Variants in GLIS3 observed in about 807,000 individuals in gnomAD.
GLIS3 encodes the protein zinc finger protein GLIS3.
GLIS3 carries 53 observed loss-of-function variants against 78.6 expected under a neutral mutation model. The ratio of observed to expected loss-of-function variants is 0.67; its 90% CI spans 0.54 to 0.85. The LOEUF (loss-of-function observed/expected upper bound fraction) is 0.85, where lower values mean the gene tolerates loss of function less well. Among genes scored for constraint, GLIS3 ranks in the 40% least tolerant of loss-of-function variants. The pLI is 0.00. For missense variants in GLIS3, 1,703 were observed against 1,231.1 expected (o/e 1.38, Z -5.74); for synonymous variants, 684 against 509.9 (o/e 1.34, Z -4.60).
At chr9:4,178,762 G>A (rs1817019831) in intron 2 of GLIS3, among the ~76,000 whole-genome samples, 1 of 152,118 alleles carries the variant, frequency 6.6e-6, no homozygotes. Flanking sequence ...TTTCACTGAA[G>A]ACATTTTTCA....
intron 4 of GLIS3, among the ~76,000 whole-genome samples, chr9:3,948,224 A>G (rs1350276438): frequency 6.6e-6 from 1 of 152,236 alleles, no homozygotes; most frequent in African/African-American, 2.4e-5. Context: ...GGCACACAGC[A>G]GGGACTCAGA....
At chr9:4,133,867 CACACA>C (rs1833176569) in intron 2 of GLIS3, among the ~76,000 whole-genome samples, 2 of 111,324 alleles carry the variant, frequency 1.8e-5, no homozygotes, top group African/African-American at 3.3e-5. Flanking sequence ...CACACACACA[CACACA>C]CACCGTACAT....
intron 2 of GLIS3, among the ~76,000 whole-genome samples, chr9:4,280,111 C>G (rs1459127870): frequency 6.6e-6 from 1 of 152,188 alleles, no homozygotes; most frequent in African/African-American, 2.4e-5. Flanking sequence ...CCTCAAACTC[C>G]TGGACTCAAG....
Position 3,824,155 on chromosome 9 carries a change from T to C in GLIS3, c.*4117A>G, listed in dbSNP as rs546587484. 3.3e-5 allele frequency: 5 copies of C among 152,738 alleles called. No homozygotes were observed. Among genetic ancestry groups the C allele is most frequent in the East Asian group, 1.9e-4 (1 of 5,188 alleles). 9.5% of individuals were successfully genotyped at this position (152,738 alleles called of 1,614,324 possible). On this transcript the variant is annotated 3_prime_UTR_variant, in exon 11 of 11. Transcript: ENST00000381971. ...CATGTATAAAAGCTTTAATTAAATC[T>C]GATGAAATAAAACTTCATGTTTTAT... is the stretch of plus-strand genomic sequence containing the variant.
chr9:4,013,958 C>G (rs538380260), intron 4 of GLIS3, among the ~76,000 whole-genome samples: 10 of 152,288 alleles, frequency 6.6e-5, no homozygotes, highest in African/African-American at 1.9e-4. Flanking sequence ...ATCCCAAAGA[C>G]AGGGGAGTGC....
At chr9:4,395,806 G>T in the GLIS3 span, among the ~76,000 whole-genome samples, 1 of 135,500 alleles carries the variant, frequency 7.4e-6, no homozygotes, top group South Asian at 2.3e-4. Flanking sequence ...ATGGACTCTC[G>T]CTCTGTCACC....
chr9:4,205,670 G>A (rs1438785497), intron 2 of GLIS3, among the ~76,000 whole-genome samples: 1 of 152,154 alleles, frequency 6.6e-6, no homozygotes, highest in Non-Finnish European at 1.5e-5. Context: ...TCAGGCACTG[G>A]ATCAAACCTC....
intron 6 of GLIS3, among the ~76,000 whole-genome samples, chr9:3,905,184 G>A (rs1158665740): frequency 6.8e-6 from 1 of 146,548 alleles, no homozygotes; most frequent in Non-Finnish European, 1.5e-5. Flanking sequence ...TAGAGATGGG[G>A]TTTCACCATG....
At chr9:4,025,007 G>A (rs1823208019) in intron 4 of GLIS3, among the ~76,000 whole-genome samples, 1 of 152,136 alleles carries the variant, frequency 6.6e-6, no homozygotes, top group Admixed American at 6.5e-5. Flanking sequence ...CCAGCACTTT[G>A]GGAGGCCGAA....
At chr9:4,314,403 C>A (rs1817408831) in intron 2 of GLIS3, among the ~76,000 whole-genome samples, 1 of 152,182 alleles carries the variant, frequency 6.6e-6, no homozygotes, top group Non-Finnish European at 1.5e-5. Flanking sequence ...AACTTCCCCA[C>A]TCCATGCAAA....
chr9:3,891,653 G>C (rs979916666), intron 7 of GLIS3, among the ~76,000 whole-genome samples: 3 of 152,178 alleles, frequency 2.0e-5, no homozygotes, highest in Non-Finnish European at 4.4e-5. Flanking sequence ...AGTGAGCTAT[G>C]ATCATGCCAC....
At chr9:4,221,068 T>G (rs1402301284) in intron 2 of GLIS3, among the ~76,000 whole-genome samples, 1 of 152,174 alleles carries the variant, frequency 6.6e-6, no homozygotes, top group Admixed American at 6.5e-5. Context: ...ATATCTTTTT[T>G]CTTTTTTCAT....
chr9:4,076,036 T>A (rs1828024803), intron 4 of GLIS3, among the ~76,000 whole-genome samples: 1 of 152,202 alleles, frequency 6.6e-6, no homozygotes, highest in South Asian at 2.1e-4. Context: ...GTTCCATATA[T>A]TGACTGTGGT....
In GLIS3 at chr9:3,856,156, G is replaced by A. The variant is rs1819776000; in HGVS notation, c.2326C>T (p.His776Tyr). 1.2e-6 allele frequency: 2 copies of A among 1,614,038 alleles called. No individual in the cohort carries two copies. The highest frequency in any genetic ancestry group is 1.7e-6 in the Non-Finnish European group (2 of 1,179,996). ...GCTGGAACTCTCCGGGGGCTGATGT[G>A]GTGAGGAGATGGAGCAGAAGGTGCA... ...RFAPSAPSPH[H>Y]ISPRRVPAPS... is the part of the protein sequence containing the mutation. Residue 776 changes from histidine (H) to tyrosine (Y), a missense_variant, in exon 9 of 11, where the codon CAC (histidine) becomes TAC (tyrosine). Coordinates refer to ENST00000381971, the MANE Select transcript of GLIS3 (RefSeq NM_001042413.2).
intron 4 of GLIS3, among the ~76,000 whole-genome samples, chr9:4,060,183 T>C (rs1030158027): frequency 1.3e-5 from 2 of 152,114 alleles, no homozygotes; most frequent in Non-Finnish European, 2.9e-5. Context: ...AAACTCTCAG[T>C]GGAATTCCCA....
the GLIS3 span, among the ~76,000 whole-genome samples, chr9:4,384,375 A>G: frequency 6.6e-6 from 1 of 152,144 alleles, no homozygotes; most frequent in Non-Finnish European, 1.5e-5. Context: ...TTCCAAATGA[A>G]GATAAAAATT....
chr9:4,082,368 A>C (rs1416740818), intron 4 of GLIS3, among the ~76,000 whole-genome samples: 1 of 152,272 alleles, frequency 6.6e-6, no homozygotes, highest in Non-Finnish European at 1.5e-5. Flanking sequence ...AAAGGGAAAT[A>C]AAATGAGAAG....
Position 4,027,386 on chromosome 9 carries a change from G to A in GLIS3, c.1711-90197C>T, listed in dbSNP as rs138331785. On this transcript the variant is annotated intron_variant, in intron 4 of 10. Coordinates refer to ENST00000381971, the MANE Select transcript of GLIS3 (RefSeq NM_001042413.2). The stretch of plus-strand genomic sequence containing the variant: ...AATAGTTCACAATTGGACATACTAG[G>A]ATGCTTTTCTCATTCCCAGATTTGG... 2.0e-5 allele frequency among the ~76,000 whole-genome samples: 3 copies of A among 152,292 alleles called. No homozygotes were observed. The East Asian group carries it at 5.8e-4, about 29-fold the overall frequency.
chr9:4,066,534 T>A (rs1252618628), intron 4 of GLIS3, among the ~76,000 whole-genome samples: 2 of 152,188 alleles, frequency 1.3e-5, no homozygotes, highest in African/African-American at 4.8e-5. Flanking sequence ...GCTGCTGGAT[T>A]TCTGACCAGG....
Sources: allele counts gnomAD v4.1 joint callset (sites outside exome capture counted in the v4.1 genomes callset), GRCh38; gene constraint gnomAD v4.1.1; transcripts MANE v1.5; gene names NCBI Gene and HGNC (gene_info 2026-07-23, HGNC 2026-07-21).